Variants in PCA3 observed in about 807,000 individuals in gnomAD.
PCA3 encodes the protein prostate cancer associated 3.
chr9:76,781,668 GT>G (rs2054410760), intron 2 of PCA3, among the ~76,000 whole-genome samples: 1 of 152,156 alleles, frequency 6.6e-6, no homozygotes, highest in Non-Finnish European at 1.5e-5. Context: ...ATGATTACTT[GT>G]TTAATGTCTT....
chr9:76,775,068 G>GA (rs60735466), intron 2 of PCA3, among the ~76,000 whole-genome samples: 32,880 of 151,860 alleles, frequency 0.22, 3,555 homozygotes, highest in South Asian at 0.27. Context: ...TCCCAAAGAA[G>GA]AAAAAAAATT....
intron 2 of PCA3, among the ~76,000 whole-genome samples, chr9:76,774,012 T>C (rs1427557132): frequency 6.6e-6 from 1 of 152,198 alleles, no homozygotes; most frequent in Non-Finnish European, 1.5e-5. Flanking sequence ...TCTTCAGGGC[T>C]AGGAAAGGAC....
chr9:76,768,101 G>A (rs953659287), intron 2 of PCA3, among the ~76,000 whole-genome samples: 5 of 152,100 alleles, frequency 3.3e-5, no homozygotes, highest in African/African-American at 7.2e-5. Context: ...ATCCCAGCAC[G>A]GCTGCCTGGT....
At chr9:76,786,625 C>T (rs1190489288) in intron 2 of PCA3, 2 of 152,236 alleles carry the variant, frequency 1.3e-5, no homozygotes, top group Admixed American at 1.3e-4. Context: ...TTGGACTTCC[C>T]CACAAGAATT....
intron 2 of PCA3, among the ~76,000 whole-genome samples, chr9:76,772,656 C>A (rs937757644): frequency 1.1e-4 from 16 of 152,242 alleles, no homozygotes; most frequent in African/African-American, 3.9e-4. Flanking sequence ...CTTGGCCTCC[C>A]AGACTCAAGC....
At chr9:76,785,833 A>C (rs924052920) in intron 2 of PCA3, 3 of 152,108 alleles carry the variant, frequency 2.0e-5, no homozygotes, top group Non-Finnish European at 4.4e-5. Context: ...TTCAAATGGC[A>C]CTATGAGCTG....
chr9:76,776,887 AACACATACACACACACACACAC>A (rs1382525363), intron 2 of PCA3, among the ~76,000 whole-genome samples: 49 of 96,556 alleles, frequency 5.1e-4, no homozygotes, highest in Admixed American at 1.9e-3. Flanking sequence ...TCATTACCAA[AACACATACACACACACACACAC>A]ACACACACAC....
chr9:76,768,577 A>ATGTG lies in PCA3; in HGVS notation n.852+31963_852+31964insGTGT, dbSNP rs879821167. On this transcript the variant is annotated intron_variant and non_coding_transcript_variant, in intron 2 of 5. Transcript: ENST00000644657. ...TATCTTTGGGTTGATATATATATGTATATGTATGTGTGTGTGTGTGTGTGT... is the reference window on the plus strand; with the variant it reads ...TATCTTTGGGTTGATATATATATGTATGTGTATGTATGTGTGTGTGTGTGTGTGT... Among the ~76,000 whole-genome samples the ATGTG allele has an allele frequency of 4.7e-3, 457 of 98,130 alleles. 7 individuals are homozygous for ATGTG. Among genetic ancestry groups the ATGTG allele is most frequent in the African/African-American group, 0.014 (435 of 30,506 alleles). The allele number at this position is 98,130 out of a possible 152,430, so 64.4% of individuals were successfully genotyped here.
intron 2 of PCA3, among the ~76,000 whole-genome samples, chr9:76,766,825 T>C (rs78710156): frequency 0.023 from 3,524 of 152,304 alleles, 60 homozygotes; most frequent in Middle Eastern, 0.027. Flanking sequence ...TGTGAGGGCT[T>C]TCTCTCCAAA....
At chr9:76,779,317 A>G (rs992433138) in intron 2 of PCA3, among the ~76,000 whole-genome samples, 1 of 152,054 alleles carries the variant, frequency 6.6e-6, no homozygotes, top group Non-Finnish European at 1.5e-5. Context: ...ACATAATCCA[A>G]CCTGTGAGAT....
At chr9:76,774,450 C>CTTTTTTTTTTTTTTTTTTTTTTT (rs869289049) in intron 2 of PCA3, among the ~76,000 whole-genome samples, 2 of 41,402 alleles carry the variant, frequency 4.8e-5, no homozygotes, top group African/African-American at 1.9e-4. Context: ...CAGTTCAACC[C>CTTTTTTTTTTTTTTTTTTTTTTT]TTTTTTTTTT....
At chr9:76,778,722 G>C (rs912839166) in intron 2 of PCA3, 1 of 152,220 alleles carries the variant, frequency 6.6e-6, no homozygotes, top group Admixed American at 6.5e-5. Flanking sequence ...TGGGTTATTT[G>C]AAGGATGAAT....
intron 2 of PCA3, chr9:76,785,701 A>G (rs2054903367): frequency 6.6e-6 from 1 of 152,100 alleles, no homozygotes; most frequent in Admixed American, 6.6e-5. Context: ...AAGAATTTAC[A>G]AAGAGCTACT....
chr9:76,779,404 A>G (rs565059203), intron 2 of PCA3, among the ~76,000 whole-genome samples: 3 of 152,200 alleles, frequency 2.0e-5, no homozygotes, highest in Non-Finnish European at 2.9e-5. Flanking sequence ...ATTTTGAAAC[A>G]TATCAAAGCT....
At chr9:76,776,120 C>G (rs1375121629) in intron 2 of PCA3, among the ~76,000 whole-genome samples, 1 of 152,144 alleles carries the variant, frequency 6.6e-6, no homozygotes, top group African/African-American at 2.4e-5. Context: ...TCAGTAAAGA[C>G]AGTAAGCACA....
intron 2 of PCA3, among the ~76,000 whole-genome samples, chr9:76,779,239 T>A (rs951660322): frequency 6.6e-6 from 1 of 152,068 alleles, no homozygotes; most frequent in Admixed American, 6.5e-5. Flanking sequence ...AGACTTTTTT[T>A]TTTTTTTGGA....
intron 2 of PCA3, among the ~76,000 whole-genome samples, chr9:76,771,051 T>C (rs2053047077): frequency 6.6e-6 from 1 of 151,906 alleles, no homozygotes. Flanking sequence ...TCTTGAGAAA[T>C]CGACAAAAAA....
intron 2 of PCA3, chr9:76,786,730 C>T (rs2055028690): frequency 6.6e-6 from 1 of 152,182 alleles, no homozygotes; most frequent in Non-Finnish European, 1.5e-5. Flanking sequence ...TGCCTATGGG[C>T]TATATTGCTT....
At chr9:76,766,690 C>T (rs2052431403) in intron 2 of PCA3, among the ~76,000 whole-genome samples, 1 of 152,132 alleles carries the variant, frequency 6.6e-6, no homozygotes, top group Admixed American at 6.5e-5. Flanking sequence ...CTTCTTCAAA[C>T]ATGTCAATTT....
Sources: gnomAD v4.1 joint callset for allele counts (sites outside exome capture counted in the v4.1 genomes callset) on GRCh38, gnomAD v4.1.1 for gene constraint, MANE v1.5 for transcripts, NCBI Gene and HGNC (gene_info 2026-07-23, HGNC 2026-07-21) for gene names.